The following FRYL variants were observed in gnomAD, a reference collection of about 807,000 sequenced individuals.
FRYL encodes the protein protein furry homolog-like.
In FRYL, 150 loss-of-function variants were observed where a neutral mutation model predicts 351.2. The observed-to-expected ratio is 0.43, with a 90% CI of 0.37 to 0.49. The LOEUF is 0.49. Ranked by LOEUF, FRYL falls within the 20% of genes least tolerant of loss-of-function variation. The pLI, the probability that FRYL is intolerant of heterozygous loss-of-function variation, is 0.00. For synonymous variants in FRYL, 1,153 were observed against 1,257.1 expected, an observed-to-expected ratio of 0.92 and a Z score of 1.75; for missense variants, 3,036 against 3,619.3, an observed-to-expected ratio of 0.84 and a Z score of 4.13.
At chr4:48,672,992 A>G (rs1190277123) in intron 3 of FRYL, among the ~76,000 whole-genome samples, 1 of 152,248 alleles carries the variant, frequency 6.6e-6, no homozygotes, top group Non-Finnish European at 1.5e-5. Flanking sequence ...TCACTTACTA[A>G]GGAAATCCAG....
In FRYL at chr4:48,534,528, G is replaced by T; in HGVS notation, c.6705+17C>A. 6.3e-7 allele frequency: 1 copy of T among 1,587,754 alleles called. No homozygotes were observed. Among genetic ancestry groups the T allele is most frequent in the Non-Finnish European group, 8.6e-7 (1 of 1,163,170 alleles). On this transcript the variant is annotated intron_variant, in intron 49 of 63. Transcript: ENST00000358350. ...TTTAGATGAAAAATGTTATATGTAA[G>T]TTTTGTGGTCACTCACCTGTACATA... is the stretch of plus-strand genomic sequence containing the variant.
intron 3 of FRYL, among the ~76,000 whole-genome samples, chr4:48,642,313 CTT>C (rs1421777533): frequency 1.3e-5 from 2 of 152,148 alleles, no homozygotes; most frequent in Admixed American, 1.3e-4. Flanking sequence ...TATAAAACCT[CTT>C]GTCTAGTATC....
intron 1 of FRYL, among the ~76,000 whole-genome samples, chr4:48,767,096 T>C (rs1775038333): frequency 6.6e-6 from 1 of 151,454 alleles, no homozygotes. Context: ...AGAAGACATA[T>C]CTGAGACTGG....
chr4:48,609,803 G>A lies in FRYL; in HGVS notation c.432C>T (p.Pro144=), dbSNP rs371818208. Residue 144 remains proline, a synonymous_variant, in exon 8 of 64, where the codon CCC becomes CCT. Coordinates refer to ENST00000358350, the MANE Select transcript of FRYL (RefSeq NM_015030.2). ...VLKQIPVHPV[P]DPLVHEVLNL... ...TTAGAACTTCATGAACTAAGGGATC[G>A]GGTACAGGATGAACAGGAATCTAGA... 70 of 1,591,802 alleles carry A rather than the reference G, an allele frequency of 4.4e-5. No homozygotes were observed. The highest frequency in any genetic ancestry group is 1.7e-4 in the Middle Eastern group (1 of 5,984).
rs1164271803 is a variant in FRYL at position 48,544,721 on chromosome 4, A to G, written c.5401+62T>C. 4.0e-5 allele frequency: 56 copies of G among 1,405,996 alleles called. No individual in the cohort carries two copies. The East Asian group carries it at 1.3e-3, about 33-fold the overall frequency. 87.1% of individuals were successfully genotyped at this position (1,405,996 alleles called of 1,614,324 possible). ...ATCAACTATTAACTTTTTGCTAAGC[A>G]TTATCAGAAATTGACATCACATTAA... On this transcript the variant is annotated intron_variant, in intron 43 of 63. Coordinates refer to ENST00000358350, the MANE Select transcript of FRYL (RefSeq NM_015030.2).
At chr4:48,552,158 C>T (rs1560588843) in intron 36 of FRYL, among the ~76,000 whole-genome samples, 1 of 152,068 alleles carries the variant, frequency 6.6e-6, no homozygotes, top group Non-Finnish European at 1.5e-5. Context: ...ACTGCACCCC[C>T]CCCAACATCC....
At chr4:48,647,968 A>C (rs190251982) in intron 3 of FRYL, among the ~76,000 whole-genome samples, 2 of 152,342 alleles carry the variant, frequency 1.3e-5, no homozygotes, top group African/African-American at 4.8e-5. Flanking sequence ...TTAGTTGTGC[A>C]AACAGCTAGT....
chr4:48,632,289 T>C (rs186818862), intron 4 of FRYL, among the ~76,000 whole-genome samples: 34 of 149,806 alleles, frequency 2.3e-4, no homozygotes, highest in African/African-American at 7.5e-4. Flanking sequence ...GGGTCCTAAG[T>C]GTTCATTATA....
At chr4:48,572,917 G>A (rs576885058) in intron 26 of FRYL, among the ~76,000 whole-genome samples, 11 of 152,238 alleles carry the variant, frequency 7.2e-5, no homozygotes, top group Non-Finnish European at 1.2e-4. Context: ...CTGTAAAGCC[G>A]AAAATATTTA....
At chr4:48,753,617 A>G (rs1448911435) in intron 1 of FRYL, among the ~76,000 whole-genome samples, 6 of 152,180 alleles carry the variant, frequency 3.9e-5, no homozygotes, top group African/African-American at 9.7e-5. Flanking sequence ...TTGAAGCACA[A>G]AAGTTTTTAA....
At chr4:48,635,853 T>C (rs1443428070) in intron 3 of FRYL, among the ~76,000 whole-genome samples, 9 of 152,142 alleles carry the variant, frequency 5.9e-5, no homozygotes, top group Non-Finnish European at 1.3e-4. Context: ...AGAACACAAT[T>C]ACTTAAACAC....
At chr4:48,585,072 G>A (rs912456002) in intron 19 of FRYL, among the ~76,000 whole-genome samples, 3 of 152,184 alleles carry the variant, frequency 2.0e-5, no homozygotes, top group African/African-American at 7.2e-5. Flanking sequence ...AAAGATGGGA[G>A]ATCTACTCTT....
intron 2 of FRYL, among the ~76,000 whole-genome samples, chr4:48,688,905 C>G (rs1333250281): frequency 6.6e-6 from 1 of 152,024 alleles, no homozygotes; most frequent in Non-Finnish European, 1.5e-5. Flanking sequence ...CTCAAGTGAT[C>G]CACCCACCTC....
chr4:48,762,193 G>A (rs997782627), intron 1 of FRYL, among the ~76,000 whole-genome samples: 1 of 152,184 alleles, frequency 6.6e-6, no homozygotes, highest in African/African-American at 2.4e-5. Context: ...TATGAACCAT[G>A]AAGTCTAAGG....
chr4:48,648,167 C>T (rs1486546444), intron 3 of FRYL, among the ~76,000 whole-genome samples: 2 of 152,090 alleles, frequency 1.3e-5, no homozygotes, highest in Non-Finnish European at 2.9e-5. Flanking sequence ...CACATATAGT[C>T]TCTTTCAATA....
chr4:48,554,545 G>C (rs1409897498), intron 35 of FRYL, among the ~76,000 whole-genome samples: 1 of 152,076 alleles, frequency 6.6e-6, no homozygotes, highest in East Asian at 1.9e-4. Context: ...CATCATGTTG[G>C]CCAGGCTGGT....
At chr4:48,771,616 C>T (rs548205206) in intron 1 of FRYL, among the ~76,000 whole-genome samples, 6 of 152,098 alleles carry the variant, frequency 3.9e-5, no homozygotes, top group Non-Finnish European at 8.8e-5. Flanking sequence ...TAGCATCTAC[C>T]ATCCTGTTAT....
At chr4:48,701,450 G>A (rs1194923584) in intron 2 of FRYL, among the ~76,000 whole-genome samples, 2 of 152,090 alleles carry the variant, frequency 1.3e-5, no homozygotes, top group Non-Finnish European at 2.9e-5. Flanking sequence ...CTCATTTATA[G>A]GAAGAAAAGG....
intron 7 of FRYL, among the ~76,000 whole-genome samples, chr4:48,612,745 AT>A (rs34297450): frequency 0.55 from 76,472 of 139,264 alleles, 20,837 homozygotes; most frequent in African/African-American, 0.68. Context: ...TGCCTGGCTA[AT>A]TTTTTTTTTT....
Sources: gnomAD v4.1 joint callset for allele counts (sites outside exome capture counted in the v4.1 genomes callset) on GRCh38, gnomAD v4.1.1 for gene constraint, MANE v1.5 for transcripts, NCBI Gene and HGNC (gene_info 2026-07-23, HGNC 2026-07-21) for gene names.